Variants in CALN1 observed in about 807,000 individuals in gnomAD.
The protein encoded by CALN1 is calneuron 1.
In CALN1, 17 loss-of-function variants were observed where a neutral mutation model predicts 30.6. The ratio of observed to expected loss-of-function variants is 0.56; its 90% CI spans 0.38 to 0.83. CALN1 has a LOEUF of 0.83. CALN1 is among the 40% of genes least tolerant of loss of function. CALN1 has a pLI of 0.00. For missense variants in CALN1, 291 were observed against 354.9 expected, an observed-to-expected ratio of 0.82 and a Z score of 1.45; for synonymous variants, 156 against 131.4, an observed-to-expected ratio of 1.19 and a Z score of -1.28.
chr7:72,028,058 CAAAAA>C (rs34092922), intron 4 of CALN1, among the ~76,000 whole-genome samples: 53 of 82,862 alleles, frequency 6.4e-4, no homozygotes, highest in Non-Finnish European at 1.1e-3. Flanking sequence ...GACTCCGTCT[CAAAAA>C]AAAAAAAAAA....
At chr7:72,106,766 AAGGGAGGGAGGAAGGAAGGG>A (rs1807170808) in intron 3 of CALN1, among the ~76,000 whole-genome samples, 2 of 55,116 alleles carry the variant, frequency 3.6e-5, no homozygotes, top group African/African-American at 1.4e-4. Flanking sequence ...GGGAGGAAGG[AAGGGAGGGAGGAAGGAAGGG>A]AGGGAGGAAG....
chr7:72,449,489 C>T (rs1808613039), upstream of CALN1, among the ~76,000 whole-genome samples: 1 of 152,198 alleles, frequency 6.6e-6, no homozygotes, highest in Non-Finnish European at 1.5e-5. Flanking sequence ...AGCAAACCTC[C>T]CTCTGTGCCC....
chr7:72,408,584 T>C (rs13237780), intron 1 of CALN1, among the ~76,000 whole-genome samples: 18,141 of 151,710 alleles, frequency 0.12, 1,351 homozygotes, highest in East Asian at 0.27. Context: ...TTTGTATAAA[T>C]TCATGGGATA....
At chr7:72,242,866 T>C (rs1057403401) in intron 3 of CALN1, among the ~76,000 whole-genome samples, 1 of 152,118 alleles carries the variant, frequency 6.6e-6, no homozygotes, top group Admixed American at 6.6e-5. Context: ...TCAGCCTGGG[T>C]GACAGAGCAA....
At chr7:72,249,852 A>G (rs6962069) in intron 3 of CALN1, among the ~76,000 whole-genome samples, 82,358 of 150,934 alleles carry the variant, frequency 0.55, 22,681 homozygotes, top group South Asian at 0.65. Context: ...CAGGAGAATC[A>G]CTTGAACCCA....
chr7:72,254,096 T>G (rs1795749653), intron 3 of CALN1, among the ~76,000 whole-genome samples: 1 of 152,094 alleles, frequency 6.6e-6, no homozygotes, highest in Non-Finnish European at 1.5e-5. Context: ...CTCTTCTTGG[T>G]GGCTCTGACT....
At chr7:71,913,487 T>C (rs763554439) in intron 5 of CALN1, among the ~76,000 whole-genome samples, 11 of 152,204 alleles carry the variant, frequency 7.2e-5, no homozygotes, top group Non-Finnish European at 1.0e-4. Context: ...TCTCTCTATG[T>C]ATAAGAAAGA....
intron 3 of CALN1, among the ~76,000 whole-genome samples, chr7:72,201,667 G>T (rs952036360): frequency 7.4e-5 from 11 of 148,868 alleles, no homozygotes; most frequent in Non-Finnish European, 1.5e-4. Flanking sequence ...CAGATCAATT[G>T]TATCCCAAAC....
chr7:72,388,032 G>A (rs561200668), intron 2 of CALN1, among the ~76,000 whole-genome samples: 3 of 152,112 alleles, frequency 2.0e-5, no homozygotes, highest in Admixed American at 6.6e-5. Flanking sequence ...TGGTGCAAAA[G>A]TAATTGTGGG....
chr7:72,332,229 T>G (rs1381300967), intron 2 of CALN1, among the ~76,000 whole-genome samples: 2 of 152,226 alleles, frequency 1.3e-5, no homozygotes, highest in African/African-American at 2.4e-5. Flanking sequence ...CTAGGCAATG[T>G]GTGCAAGGTA....
chr7:71,885,204 T>C (rs936900322), intron 5 of CALN1, among the ~76,000 whole-genome samples: 1 of 152,224 alleles, frequency 6.6e-6, no homozygotes, highest in African/African-American at 2.4e-5. Flanking sequence ...CAGGCTGCTC[T>C]GCAGTGGTGT....
chr7:72,151,828 C>T (rs955454065), intron 3 of CALN1, among the ~76,000 whole-genome samples: 39 of 152,104 alleles, frequency 2.6e-4, no homozygotes, highest in Non-Finnish European at 4.6e-4. Flanking sequence ...CCTTTGATCT[C>T]AGCCTCCCGA....
chr7:72,374,777 CCTT>C (rs1289502692), intron 2 of CALN1, among the ~76,000 whole-genome samples: 2 of 152,090 alleles, frequency 1.3e-5, no homozygotes, highest in Non-Finnish European at 2.9e-5. Flanking sequence ...TCATGTATCA[CCTT>C]CTCCTAAGCA....
chr7:72,075,149 TAA>T (rs1358607876), intron 4 of CALN1, among the ~76,000 whole-genome samples: 1 of 152,172 alleles, frequency 6.6e-6, no homozygotes, highest in Non-Finnish European at 1.5e-5. Flanking sequence ...GAGCTCTCTC[TAA>T]GTCAGGGGAC....
chr7:72,198,606 A>AC (rs750487742), intron 3 of CALN1, among the ~76,000 whole-genome samples: 9 of 151,920 alleles, frequency 5.9e-5, no homozygotes, highest in Non-Finnish European at 1.3e-4. Context: ...CTTTAAAATA[A>AC]CCCACTCCCA....
chr7:72,414,152 A>G (rs2129563358), upstream of CALN1, among the ~76,000 whole-genome samples: 1 of 152,246 alleles, frequency 6.6e-6, no homozygotes. Flanking sequence ...GACCGTGGGA[A>G]GATCCAGGAT....
At chr7:72,357,519 C>G (rs1396613373) in intron 2 of CALN1, among the ~76,000 whole-genome samples, 1 of 151,842 alleles carries the variant, frequency 6.6e-6, no homozygotes, top group Non-Finnish European at 1.5e-5. Context: ...CATCCCTAAT[C>G]AAATCTCAGG....
chr7:72,016,379 C>T (rs1800380787), intron 5 of CALN1, among the ~76,000 whole-genome samples: 1 of 151,916 alleles, frequency 6.6e-6, no homozygotes, highest in Non-Finnish European at 1.5e-5. Flanking sequence ...CATGTCACAA[C>T]CATGAAATGC....
chr7:72,485,634 G>A, the CALN1 span, among the ~76,000 whole-genome samples: 82 of 152,304 alleles, frequency 5.4e-4, no homozygotes, highest in African/African-American at 1.9e-3. Flanking sequence ...CACTTTGGGA[G>A]GCCCAGGCGG....
Sources: allele counts gnomAD v4.1 joint callset (sites outside exome capture counted in the v4.1 genomes callset), GRCh38; gene constraint gnomAD v4.1.1; transcripts MANE v1.5; gene names NCBI Gene and HGNC (gene_info 2026-07-23, HGNC 2026-07-21).